Variants in PALB2 observed in about 807,000 individuals in gnomAD.
The protein encoded by PALB2 is mutant partner and localizer of BRCA2.
PALB2 carries 82 observed loss-of-function variants against 107.4 expected under a neutral mutation model. That is an observed-to-expected ratio of 0.76 (90% CI 0.64 to 0.92). The LOEUF (loss-of-function observed/expected upper bound fraction) is 0.92. PALB2 is among the 40% of genes least tolerant of loss of function. The pLI, the probability that PALB2 is intolerant of heterozygous loss-of-function variation, is 0.00. For synonymous variants in PALB2, 489 were observed against 496.8 expected, an observed-to-expected ratio of 0.98 and a Z score of 0.21; for missense variants, 1,374 against 1,379.9, an observed-to-expected ratio of 1.00 and a Z score of 0.07.
At chr16:23,640,910 T>C in intron 1 of PALB2, 200 bp downstream of exon 1, 1 of 621,876 alleles carries the variant, frequency 1.6e-6, no homozygotes, top group Non-Finnish European at 2.9e-6. Context: ...GCTACTGTAA[T>C]GAAATTTGTT....
intron 11 of PALB2, among the ~76,000 whole-genome samples, chr16:23,608,801 T>TACACACACACACACACAC (rs10525601): frequency 6.3e-5 from 9 of 143,762 alleles, no homozygotes; most frequent in African/African-American, 2.4e-4. Context: ...TGTATATATA[T>TACACACACACACACACAC]ACACACACAC....
At position 23,603,308 on chromosome 16, in the gene PALB2, T is replaced by C. The variant is rs2142249605; in HGVS notation, c.*151A>G. The C allele has an allele frequency of 1.5e-6, 1 of 661,992 alleles. No individual in the cohort carries two copies. The highest frequency in any genetic ancestry group is 2.6e-6 in the Non-Finnish European group (1 of 379,112). The allele number at this position is 661,992 out of a possible 1,614,324, so 41.0% of individuals were successfully genotyped here. ...AATGTACATCCAAGATCAGTGGTGC[T>C]ACCATCATTAGAATAAAAAATAAGT... On this transcript the variant is annotated 3_prime_UTR_variant, in exon 13 of 13. Transcript: ENST00000261584.
rs2142442257 is a variant in PALB2 at position 23,636,059 on chromosome 16, C to A, written c.487G>T (p.Val163Phe). Residue 163 changes from valine to phenylalanine, a missense_variant, in exon 4 of 13, where the codon GTC becomes TTC. Val to Phe is a conservative substitution (Grantham distance 50, BLOSUM62 -1). Transcript: ENST00000261584. Reference protein sequence around the residue: ...RTFISQERDCVFGTDSLRLSG... With the variant: ...RTFISQERDCFFGTDSLRLSG... ...AATCTGAGTGAATCAGTGCCAAAGA[C>A]ACAGTCTCTCTCCTGTGAAATAAAT... 1 of 1,614,046 alleles carries A rather than the reference C, an allele frequency of 6.2e-7. No individual in the cohort carries two copies. Among genetic ancestry groups the A allele is most frequent in the Non-Finnish European group, 8.5e-7 (1 of 1,180,016 alleles).
intron 4 of PALB2, among the ~76,000 whole-genome samples, chr16:23,631,807 C>T (rs1966880351): frequency 6.6e-6 from 1 of 152,150 alleles, no homozygotes; most frequent in South Asian, 2.1e-4. Context: ...CTATGGAAAA[C>T]TTAGTCCCCT....
intron 12 of PALB2, chr16:23,605,834 A>G (rs1398821089): frequency 6.6e-6 from 1 of 152,246 alleles, no homozygotes; most frequent in Non-Finnish European, 1.5e-5. Context: ...GTGGTTTTGT[A>G]AAACAGGCCC....
rs2142382203 is a variant in PALB2, at chr16:23,630,095, G to C, written c.2059C>G (p.Pro687Ala). Reference sequence around the variant, plus strand: ...TTTGTATGCTGGCTTTGCGAGTTTGGCCTTTTGGGATGTGATTTTCCTGGT... The same window carrying C: ...TTTGTATGCTGGCTTTGCGAGTTTGCCCTTTTGGGATGTGATTTTCCTGGT... ...VLPGKSHPKR[P>A]NSQSQHTKTG... is the part of the protein sequence containing the mutation. Residue 687 changes from proline (P) to alanine (A), a missense_variant, in exon 5 of 13, where the codon CCA (proline) becomes GCA (alanine). Pro to Ala is a conservative substitution (Grantham distance 27, BLOSUM62 -1). Transcript: ENST00000261584. 1 of 1,614,122 alleles carries C rather than the reference G, an allele frequency of 6.2e-7. No individual in the cohort carries two copies. Among genetic ancestry groups the C allele is most frequent in the Non-Finnish European group, 8.5e-7 (1 of 1,180,028 alleles).
intron 1 of PALB2, among the ~76,000 whole-genome samples, chr16:23,639,398 TG>T (rs1967146611): frequency 6.8e-6 from 1 of 147,856 alleles, no homozygotes. Context: ...CCGGGTGTGG[TG>T]GTGGGTGCCT....
intron 1 of PALB2, 104 bp downstream of exon 1, chr16:23,641,006 G>T: frequency 7.5e-7 from 1 of 1,336,266 alleles, no homozygotes; most frequent in Non-Finnish European, 1.0e-6. Context: ...GGGGTGGTCA[G>T]ATGATACTGC....
At chr16:23,613,410 G>C (rs972345667) in intron 11 of PALB2, among the ~76,000 whole-genome samples, 2 of 152,104 alleles carry the variant, frequency 1.3e-5, no homozygotes, top group Admixed American at 1.3e-4. Context: ...TTGGGAGGCT[G>C]AGGCGGGTGG....
At chr16:23,633,068 G>C (rs948115310) in intron 4 of PALB2, among the ~76,000 whole-genome samples, 7 of 152,116 alleles carry the variant, frequency 4.6e-5, no homozygotes, top group African/African-American at 1.4e-4. Flanking sequence ...CACCCTATCC[G>C]GGGCGACAAG....
rs2142457282 is a variant in PALB2 at position 23,637,925 on chromosome 16, G to C, written c.136C>G (p.His46Asp). ...TCTTCTACTGTTTTCTTAATAGAAT[G>C]CTTAATCTTTTCAGCTCTTTGGGCA... ...QRAQRAEKIK[H>D]SIKKTVEEQD... The change falls in exon 3 of 13, where the codon CAT (histidine) becomes GAT (aspartate). Residue 46 changes from histidine to aspartate, a missense_variant. By Grantham distance (81) the His-to-Asp change is moderately conservative. Transcript: ENST00000261584. The C allele has an allele frequency of 1.9e-6, 3 of 1,614,008 alleles. No individual in the cohort carries two copies. The highest frequency in any genetic ancestry group is 2.5e-6 in the Non-Finnish European group (3 of 1,179,930).
intron 11 of PALB2, among the ~76,000 whole-genome samples, chr16:23,609,365 T>C (rs956066500): frequency 2.6e-5 from 4 of 152,104 alleles, no homozygotes; most frequent in Admixed American, 2.6e-4. Flanking sequence ...CTCAAGGCTA[T>C]AGTGAGCTAT....
intron 11 of PALB2, among the ~76,000 whole-genome samples, chr16:23,609,243 G>T (rs1319360407): frequency 6.6e-6 from 1 of 152,204 alleles, no homozygotes. Flanking sequence ...CACAGCTGAA[G>T]ACCTCATCAT....
In PALB2 at chr16:23,641,154, C is replaced by G. The variant is rs1224301730; in HGVS notation, c.4G>C (p.Asp2His). Reference protein sequence around the residue: MDEPPGKPLSCE... With the variant: MHEPPGKPLSCE... ...CTGAGGGGCTTCCCGGGAGGCTCGTCCATCGGGCAGGCGACAGAACGAAAA... is the reference window on the plus strand; with the variant it reads ...CTGAGGGGCTTCCCGGGAGGCTCGTGCATCGGGCAGGCGACAGAACGAAAA... Residue 2 changes from aspartate (D) to histidine (H), a missense_variant, in exon 1 of 13, where the codon GAC (aspartate) becomes CAC (histidine). By Grantham distance (81) the Asp-to-His change is moderately conservative. Transcript: ENST00000261584. The G allele has an allele frequency of 6.2e-7, 1 of 1,613,016 alleles. No individual in the cohort carries two copies.
intron 7 of PALB2, 152 bp downstream of exon 7, chr16:23,626,084 T>A (rs1422811137): frequency 2.3e-6 from 2 of 881,612 alleles, no homozygotes; most frequent in East Asian, 5.3e-5. Context: ...CTTTTCTGGA[T>A]GTTTGAAACT....
rs1967009067 is a variant in PALB2 at position 23,635,623 on chromosome 16, G to A, written c.923C>T (p.Ala308Val). ...VSTDNLLVNK[A>V]ISKSGQLPTS... is the part of the protein sequence containing the mutation. The stretch of plus-strand genomic sequence containing the variant: ...GGGCAGTTGGCCACTTTTACTTATA[G>A]CTTTATTTACAAGGAGGTTATCTGT... The change falls in exon 4 of 13, where the codon GCT becomes GTT. Residue 308 changes from alanine (A) to valine (V), a missense_variant. Transcript: ENST00000261584. 6.2e-7 allele frequency: 1 copy of A among 1,614,034 alleles called. No homozygotes were observed. Among genetic ancestry groups the A allele is most frequent in the Non-Finnish European group, 8.5e-7 (1 of 1,179,960 alleles).
At position 23,603,169 on chromosome 16, in the gene PALB2, T is replaced by C; in HGVS notation, c.*290A>G. ...ACAATAACATGCCAAGCAGAATGTA[T>C]AAAAATAAATATTTATTGCCATTTG... On this transcript the variant is annotated 3_prime_UTR_variant, in exon 13 of 13. Coordinates refer to ENST00000261584, the MANE Select transcript of PALB2 (RefSeq NM_024675.4). 2 of 357,540 alleles carry C rather than the reference T, an allele frequency of 5.6e-6. No individual in the cohort carries two copies. Among genetic ancestry groups the C allele is most frequent in the Non-Finnish European group, 5.2e-6 (1 of 193,678 alleles). 22.1% of individuals were successfully genotyped at this position (357,540 alleles called of 1,614,324 possible).
intron 10 of PALB2, among the ~76,000 whole-genome samples, chr16:23,619,273 G>C (rs1308913536): frequency 1.3e-5 from 2 of 152,174 alleles, no homozygotes; most frequent in African/African-American, 4.8e-5. Flanking sequence ...CCTATAGTCA[G>C]AAAAGAGATG....
intron 1 of PALB2, among the ~76,000 whole-genome samples, chr16:23,638,758 A>C (rs1041447195): frequency 3.3e-5 from 5 of 152,214 alleles, no homozygotes; most frequent in African/African-American, 1.2e-4. Flanking sequence ...TGAGAGAGTT[A>C]CTGGCCTACT....
Sources: gnomAD v4.1 joint callset for allele counts (sites outside exome capture counted in the v4.1 genomes callset) on GRCh38, gnomAD v4.1.1 for gene constraint, MANE v1.5 for transcripts, NCBI Gene and HGNC (gene_info 2026-07-23, HGNC 2026-07-21) for gene names.